CRISPLD2: variants seen among roughly 807,000 people sequenced by gnomAD.
The protein encoded by CRISPLD2 is cysteine rich secretory protein LCCL domain containing 2.
A neutral mutation model predicts 71.1 loss-of-function variants in CRISPLD2; 47 were observed. The ratio of observed to expected loss-of-function variants is 0.66; its 90% CI spans 0.52 to 0.84. The LOEUF (loss-of-function observed/expected upper bound fraction) is 0.84. Ranked by LOEUF, CRISPLD2 falls within the 40% of genes least tolerant of loss-of-function variation. The probability of loss-of-function intolerance (pLI) is 0.00; values close to 1 mark genes in which losing one functional copy is unlikely to be tolerated. For synonymous variants in CRISPLD2, 317 were observed against 250.1 expected (o/e 1.27, Z -2.52); for missense variants, 830 against 651.1 (o/e 1.27, Z -2.99).
rs1027303160 is a variant in CRISPLD2, at chr16:84,821,762, A to G, written c.-75+1629A>G. On this transcript the variant is annotated intron_variant, in intron 1 of 14. Coordinates refer to ENST00000262424, the MANE Select transcript of CRISPLD2 (RefSeq NM_031476.4). ...AGTTTCTTAAGATGTGAGAGTAGGA[A>G]TAGTAATAATGCCATTTGTAATAAT... 2.0e-5 allele frequency among the ~76,000 whole-genome samples: 3 copies of G among 152,344 alleles called. No individual in the cohort carries two copies. The South Asian group carries it at 6.2e-4, about 32-fold the overall frequency.
chr16:84,875,573 T>C (rs1327646726), intron 11 of CRISPLD2, among the ~76,000 whole-genome samples: 5 of 151,774 alleles, frequency 3.3e-5, no homozygotes, highest in African/African-American at 1.2e-4. Flanking sequence ...TTGTTATTTT[T>C]TGAGATGGAG....
At chr16:84,821,361 G>T (rs1916226868) in intron 1 of CRISPLD2, among the ~76,000 whole-genome samples, 1 of 152,222 alleles carries the variant, frequency 6.6e-6, no homozygotes, top group Non-Finnish European at 1.5e-5. Flanking sequence ...CAGGAGAAGG[G>T]GTGGGTGTGT....
intron 6 of CRISPLD2, among the ~76,000 whole-genome samples, chr16:84,861,881 G>C (rs1199761920): frequency 6.6e-6 from 1 of 152,198 alleles, no homozygotes; most frequent in East Asian, 1.9e-4. Context: ...AGTAAGCCAT[G>C]ATGGCGCCAC....
chr16:84,897,341 A>C (rs1334764266), intron 14 of CRISPLD2, among the ~76,000 whole-genome samples: 2 of 151,378 alleles, frequency 1.3e-5, no homozygotes, highest in Non-Finnish European at 2.9e-5. Flanking sequence ...AGTCCCAGGT[A>C]CTTGGGAGGC....
At position 84,888,420 on chromosome 16, in the gene CRISPLD2, C is replaced by T. The variant is rs189351937; in HGVS notation, c.1306-810C>T. The stretch of plus-strand genomic sequence containing the variant: ...GTGTTGTGGTACACAACTGTAGTCC[C>T]AGCTACTTGGGAGGCTGAGGTGGGA... On this transcript the variant is annotated intron_variant, in intron 13 of 14. Coordinates refer to ENST00000262424, the MANE Select transcript of CRISPLD2 (RefSeq NM_031476.4). 5.1e-3 allele frequency among the ~76,000 whole-genome samples: 784 copies of T among 152,342 alleles called. 22 individuals are homozygous for T. Among genetic ancestry groups the T allele is most frequent in the Admixed American group, 0.048 (731 of 15,296 alleles).
intron 6 of CRISPLD2, among the ~76,000 whole-genome samples, chr16:84,862,565 C>G (rs1917413486): frequency 6.6e-6 from 1 of 151,906 alleles, no homozygotes; most frequent in Non-Finnish European, 1.5e-5. Flanking sequence ...GTTTCTGGTG[C>G]CTAAAGCGTT....
rs991851745 is a variant in CRISPLD2 at position 84,880,781 on chromosome 16, C to T, written c.1305+197C>T. 6 of 440,982 alleles carry T rather than the reference C, an allele frequency of 1.4e-5. No individual in the cohort carries two copies. In the East Asian group the frequency reaches 1.7e-4, roughly 13 times the overall value. 27.3% of individuals were successfully genotyped at this position (440,982 alleles called of 1,614,324 possible). On this transcript the variant is annotated intron_variant, in intron 13 of 14. Transcript: ENST00000262424. ...AGTACAGTGGAGTAATCTTGGCCCACTGTAACCTCTGCCTCCCAGGTTCAA... is the reference window on the plus strand; with the variant it reads ...AGTACAGTGGAGTAATCTTGGCCCATTGTAACCTCTGCCTCCCAGGTTCAA...
intron 4 of CRISPLD2, among the ~76,000 whole-genome samples, chr16:84,849,841 C>G (rs1245082401): frequency 6.6e-6 from 1 of 150,410 alleles, no homozygotes; most frequent in Non-Finnish European, 1.5e-5. Context: ...CCTCAGCCTC[C>G]TGAGTACCTG....
At chr16:84,864,901 T>G (rs1442222950) in intron 6 of CRISPLD2, among the ~76,000 whole-genome samples, 1 of 152,186 alleles carries the variant, frequency 6.6e-6, no homozygotes, top group African/African-American at 2.4e-5. Context: ...CCTTCTGACT[T>G]AAACCCGTCC....
At chr16:84,887,919 G>C (rs554899991) in intron 13 of CRISPLD2, among the ~76,000 whole-genome samples, 1 of 152,326 alleles carries the variant, frequency 6.6e-6, no homozygotes, top group African/African-American at 2.4e-5. Context: ...GAAGTCATCA[G>C]ACTTAAGGGA....
chr16:84,887,440 C>G (rs1003907640), intron 13 of CRISPLD2, among the ~76,000 whole-genome samples: 2 of 152,344 alleles, frequency 1.3e-5, no homozygotes, highest in African/African-American at 4.8e-5. Flanking sequence ...TCTTCGTGCC[C>G]TGTAGACAAC....
chr16:84,870,421 G>A (rs2071457615), intron 8 of CRISPLD2, among the ~76,000 whole-genome samples: 1 of 151,840 alleles, frequency 6.6e-6, no homozygotes, highest in African/African-American at 2.4e-5. Context: ...CCGGGTTTAA[G>A]TGATTCTCCC....
chr16:84,853,572 C>A (rs1296969606), intron 5 of CRISPLD2, among the ~76,000 whole-genome samples: 3 of 152,222 alleles, frequency 2.0e-5, no homozygotes, highest in African/African-American at 7.2e-5. Flanking sequence ...GCTTCTGGGG[C>A]CGCGGGAAGT....
Position 84,857,679 on chromosome 16 carries a change from C to T in CRISPLD2, c.709+2850C>T, listed in dbSNP as rs532886910. 3.3e-5 allele frequency among the ~76,000 whole-genome samples: 5 copies of T among 152,316 alleles called. No individual in the cohort carries two copies. In the South Asian group the frequency reaches 8.3e-4, roughly 25 times the overall value. On this transcript the variant is annotated intron_variant, in intron 6 of 14. Transcript: ENST00000262424. Reference sequence around the variant, plus strand: ...GCTGTCCACTATCAGGTAGTGCCTGCGTATCATGCAGAATCATCTGTGAAC... The same window carrying T: ...GCTGTCCACTATCAGGTAGTGCCTGTGTATCATGCAGAATCATCTGTGAAC...
intron 6 of CRISPLD2, among the ~76,000 whole-genome samples, chr16:84,863,744 C>T (rs1917453766): frequency 6.6e-6 from 1 of 151,990 alleles, no homozygotes; most frequent in Admixed American, 6.6e-5. Context: ...CTGAGGCGGG[C>T]AGATCACCGA....
chr16:84,837,749 G>T (rs1000773002), intron 1 of CRISPLD2, among the ~76,000 whole-genome samples: 9 of 152,136 alleles, frequency 5.9e-5, no homozygotes, highest in Non-Finnish European at 1.2e-4. Flanking sequence ...AAATGGGGAT[G>T]AGAACAGCCT....
intron 1 of CRISPLD2, among the ~76,000 whole-genome samples, chr16:84,835,098 T>A (rs4782663): frequency 0.085 from 12,925 of 152,134 alleles, 698 homozygotes; most frequent in South Asian, 0.13. Flanking sequence ...TTTCTTTTTT[T>A]AATTTTTTTG....
chr16:84,893,496 G>A (rs2071680435), intron 14 of CRISPLD2, among the ~76,000 whole-genome samples: 1 of 152,142 alleles, frequency 6.6e-6, no homozygotes. Flanking sequence ...ATACACTTAG[G>A]GAGCGCTGAC....
intron 8 of CRISPLD2, among the ~76,000 whole-genome samples, chr16:84,869,266 G>C (rs79974119): frequency 0.015 from 2,309 of 152,164 alleles, 70 homozygotes; most frequent in African/African-American, 0.053. Context: ...TTTGGTTTTG[G>C]CAGTGTGACT....
Sources: allele counts gnomAD v4.1 joint callset (sites outside exome capture counted in the v4.1 genomes callset), GRCh38; gene constraint gnomAD v4.1.1; transcripts MANE v1.5; gene names NCBI Gene and HGNC (gene_info 2026-07-23, HGNC 2026-07-21).